The following NBPF9 variants were observed in gnomAD, a reference collection of about 807,000 sequenced individuals.
NBPF9 encodes the protein NBPF member 9, also known as NBPF family member NBPF9.
In NBPF9, 91 loss-of-function variants were observed where a neutral mutation model predicts 97.8. That is an observed-to-expected ratio of 0.93 (90% CI 0.79 to 1.11). The LOEUF is 1.11. NBPF9 is among the 50% of genes least tolerant of loss of function. The pLI is 0.00. For missense variants in NBPF9, 992 were observed against 939.5 expected, an observed-to-expected ratio of 1.06 and a Z score of -0.73; for synonymous variants, 334 against 359.5, an observed-to-expected ratio of 0.93 and a Z score of 0.80.
chr1:149,064,247 A>T (rs1575828457), intron 19 of NBPF9, among the ~76,000 whole-genome samples, 184 bp downstream of exon 19: 1 of 139,316 alleles, frequency 7.2e-6, no homozygotes, highest in East Asian at 2.1e-4. Flanking sequence ...AGTAAATGAT[A>T]AGGGTAGGAA....
chr1:149,064,670 C>A (rs1284657929), intron 18 of NBPF9, 188 bp from the exon 19 acceptor site: 19 of 610,922 alleles, frequency 3.1e-5, no homozygotes, highest in Admixed American at 8.6e-5. Flanking sequence ...CTTTCATGAG[C>A]CTTGGGCAAA....
At chr1:149,066,005 C>T (rs2079020133) in intron 17 of NBPF9, 6 of 517,886 alleles carry the variant, frequency 1.2e-5, no homozygotes, top group African/African-American at 1.9e-5. Context: ...AACTACTTTG[C>T]ATAAATTGGG....
At chr1:149,090,587 A>C (rs1487159125) in intron 5 of NBPF9, among the ~76,000 whole-genome samples, 166 bp downstream of exon 5, 16 of 152,230 alleles carry the variant, frequency 1.1e-4, no homozygotes, top group Admixed American at 8.5e-4. Context: ...TATCTAAAGA[A>C]TGTTTAGAAA....
chr1:149,084,927 GC>G (rs1240767785), intron 5 of NBPF9, among the ~76,000 whole-genome samples: 2 of 151,464 alleles, frequency 1.3e-5, no homozygotes, highest in African/African-American at 2.4e-5. Context: ...AAGACGCTAG[GC>G]CTGCTGATGG....
intron 4 of NBPF9, among the ~76,000 whole-genome samples, chr1:149,097,901 G>C (rs1342468146): frequency 6.6e-6 from 1 of 151,992 alleles, no homozygotes; most frequent in African/African-American, 2.4e-5. Context: ...TTCAAAAGTG[G>C]CCTCTCTTTT....
At position 149,056,043 on chromosome 1, in the gene NBPF9, C is replaced by T. The variant is rs1553648872; in HGVS notation, c.3093-144G>A. On this transcript the variant is annotated intron_variant, in intron 29 of 29. Transcript: ENST00000584027. ...ATGAGGTAAAAAAAAAAATTTATTGCCTTTATGTTGGGATAGAACAGGGCC... is the reference window on the plus strand; with the variant it reads ...ATGAGGTAAAAAAAAAAATTTATTGTCTTTATGTTGGGATAGAACAGGGCC... 2.6e-6 allele frequency: 4 copies of T among 1,518,148 alleles called. No homozygotes were observed. The African/African-American group carries it at 4.2e-5, about 16-fold the overall frequency. The allele number at this position is 1,518,148 out of a possible 1,614,324, so 94.0% of individuals were successfully genotyped here. A position where few individuals can be genotyped will look rare whatever the true frequency, so the allele number is the denominator to read the frequency against.
chr1:149,064,968 T>C (rs1394725935), intron 18 of NBPF9: 1 of 533,982 alleles, frequency 1.9e-6, no homozygotes, highest in African/African-American at 1.9e-5. Flanking sequence ...GGGTGAAAAG[T>C]CAGCCATTTA....
chr1:149,079,032 C>G, exon 9 of NBPF9: 1 of 1,520,114 alleles, frequency 6.6e-7, no homozygotes, highest in Non-Finnish European at 9.1e-7. Context: ...GGACAAGGTG[C>G]TGTGCCAGTC....
intron 5 of NBPF9, among the ~76,000 whole-genome samples, chr1:149,087,524 G>T (rs1210179589): frequency 1.1e-4 from 17 of 148,988 alleles, no homozygotes; most frequent in Non-Finnish European, 2.5e-4. Context: ...TCTGGAAATA[G>T]GTAGTGAATT....
intron 4 of NBPF9, among the ~76,000 whole-genome samples, chr1:149,097,042 A>C (rs1553661832): frequency 6.7e-6 from 1 of 150,112 alleles, no homozygotes; most frequent in Non-Finnish European, 1.5e-5. Context: ...GAAAGGAAGA[A>C]AGGAAAGAAT....
Position 149,055,437 on chromosome 1 carries a change from G to C in NBPF9, c.*219C>G, listed in dbSNP as rs1309673484. The C allele has an allele frequency of 4.0e-6, 3 of 756,480 alleles. No individual in the cohort carries two copies. The Admixed American group carries it at 8.6e-5, about 22-fold the overall frequency. The allele number at this position is 756,480 out of a possible 1,614,324, so 46.9% of individuals were successfully genotyped here. On this transcript the variant is annotated 3_prime_UTR_variant, in exon 30 of 30. Transcript: ENST00000584027. The stretch of plus-strand genomic sequence containing the variant: ...GTCTGACTGATCACTCCCGGCATGT[G>C]CTGCACAGTTATGTGAACGTGTCAC...
rs1238670864 is a variant in NBPF9 at position 149,067,262 on chromosome 1, T to C, written c.1638-1573A>G. Among the ~76,000 whole-genome samples, 6 of 124,210 alleles carry C rather than the reference T, an allele frequency of 4.8e-5. 2 individuals carry two copies. The highest frequency in any genetic ancestry group is 1.9e-4 in the African/African-American group (6 of 31,978). 81.5% of individuals were successfully genotyped at this position (124,210 alleles called of 152,430 possible). A position where few individuals can be genotyped will look rare whatever the true frequency, so the allele number is the denominator to read the frequency against. ...GCAATATTCAACATTCTTTTTTTTT[T>C]CCATATGTATAGTTTTCCTTTATTA... On this transcript the variant is annotated intron_variant, in intron 17 of 29. Coordinates refer to ENST00000584027, the Ensembl canonical transcript of NBPF9.
At position 149,062,237 on chromosome 1, in the gene NBPF9, C is replaced by A; in HGVS notation, c.2107G>T (p.Glu703Ter). The A allele has an allele frequency of 5.4e-6, 5 of 919,844 alleles. No homozygotes were observed. Among genetic ancestry groups the A allele is most frequent in the Non-Finnish European group, 9.1e-6 (5 of 551,314 alleles). The allele number at this position is 919,844 out of a possible 1,614,324, so 57.0% of individuals were successfully genotyped here. A position where few individuals can be genotyped will look rare whatever the true frequency, so the allele number is the denominator to read the frequency against. The change falls in exon 22 of 30, where the codon GAG (glutamate) becomes TAG (stop). Residue 703 changes from glutamate to a stop codon, truncating the protein, a stop_gained. Transcript: ENST00000584027. LOFTEE classifies it high-confidence loss of function. Reference sequence around the variant, plus strand: ...AGTGAGTCCTGCAAGACTTCAGGCTCTTTCTCATCCAGCAGCTCCCTGCTG... The same window carrying A: ...AGTGAGTCCTGCAAGACTTCAGGCTATTTCTCATCCAGCAGCTCCCTGCTG...
intron 5 of NBPF9, among the ~76,000 whole-genome samples, chr1:149,084,599 G>A (rs1330900845): frequency 3.3e-5 from 5 of 150,836 alleles, no homozygotes; most frequent in African/African-American, 1.2e-4. Context: ...CAACGCAACG[G>A]CCAGGTGGAC....
chr1:149,073,030 A>G, intron 13 of NBPF9, 98 bp from the exon 14 acceptor site: 1 of 1,322,432 alleles, frequency 7.6e-7, no homozygotes, highest in South Asian at 1.2e-5. Context: ...CCTCAAGGAG[A>G]CCTCGAAGCA....
exon 13 of NBPF9, chr1:149,073,793 G>T: frequency 5.1e-6 from 8 of 1,577,836 alleles, no homozygotes; most frequent in Non-Finnish European, 6.9e-6. Context: ...TGCTTCAGCT[G>T]CTCTGCAAGC....
chr1:149,072,703 C>T lies in NBPF9; in HGVS notation c.1306+15G>A, dbSNP rs1553653219. The T allele has an allele frequency of 1.2e-6, 2 of 1,611,688 alleles. No individual in the cohort carries two copies. The highest frequency in any genetic ancestry group is 2.2e-5 in the East Asian group (1 of 44,826). On this transcript the variant is annotated intron_variant, in intron 14 of 29. Transcript: ENST00000584027. ...GCCTGGGGTTTTGGGTCAACAGGGC[C>T]TATGGCCACCTTACCTGGGCTGAGC...
At chr1:149,055,829 T>A (rs376108642) in exon 30 of NBPF9, 13 of 1,605,008 alleles carry the variant, frequency 8.1e-6, no homozygotes, top group African/African-American at 2.7e-5. Flanking sequence ...ATTGACGGAG[T>A]AGAATAACAT....
rs1468663721 is a variant in NBPF9 at position 149,083,099 on chromosome 1, C to T, written c.-194-669G>A. 3.8e-4 allele frequency among the ~76,000 whole-genome samples: 58 copies of T among 151,658 alleles called. 1 individual carries two copies. In the South Asian group the frequency reaches 9.0e-3, roughly 24 times the overall value. ...CTGGGATTACAGGCGTGAGCCACCG[C>T]GCCCGGCCGACTTCTCTTTACTCAG... On this transcript the variant is annotated intron_variant, in intron 5 of 29. Transcript: ENST00000584027.
Sources: gnomAD v4.1 joint callset for allele counts (sites outside exome capture counted in the v4.1 genomes callset) on GRCh38, gnomAD v4.1.1 for gene constraint, MANE v1.5 for transcripts, NCBI Gene and HGNC (gene_info 2026-07-23, HGNC 2026-07-21) for gene names.